Variants in CEP63 observed in about 807,000 individuals in gnomAD.
The protein encoded by CEP63 is centrosomal protein 63, also known as centrosomal protein of 63 kDa.
A neutral mutation model predicts 89.1 loss-of-function variants in CEP63; 84 were observed. The observed-to-expected ratio is 0.94, with a 90% CI of 0.79 to 1.13. The LOEUF is 1.13. Ranked by LOEUF, CEP63 falls within the 50% of genes most tolerant of loss-of-function variation. CEP63 has a pLI of 0.00. For missense variants in CEP63, 838 were observed against 813.3 expected (o/e 1.03, Z -0.37); for synonymous variants, 267 against 272.5 (o/e 0.98, Z 0.20).
rs770310607 is a variant in CEP63, at chr3:134,561,736, A to G, written c.*201A>G. 35 of 1,391,950 alleles carry G rather than the reference A, an allele frequency of 2.5e-5. No homozygotes were observed. The highest frequency in any genetic ancestry group is 3.3e-5 in the Non-Finnish European group (35 of 1,076,056). 86.2% of individuals were successfully genotyped at this position (1,391,950 alleles called of 1,614,324 possible). On this transcript the variant is annotated 3_prime_UTR_variant, in exon 15 of 15. Transcript: ENST00000675561. The stretch of plus-strand genomic sequence containing the variant: ...GTTTGTTTAAAGGACTTCTTCCAGC[A>G]ATAAGTTGAAAGAATAAACCACTTT...
chr3:134,574,594 A>G (rs559172792), intron 11 of CEP63, among the ~76,000 whole-genome samples: 1 of 152,128 alleles, frequency 6.6e-6, no homozygotes, highest in African/African-American at 2.4e-5. Flanking sequence ...TTCAAAATTT[A>G]TCCATAATAT....
In CEP63 at chr3:134,561,669, G is replaced by T; in HGVS notation, c.*134G>T. 3 of 1,477,696 alleles carry T rather than the reference G, an allele frequency of 2.0e-6. No individual in the cohort carries two copies. Among genetic ancestry groups the T allele is most frequent in the Non-Finnish European group, 2.7e-6 (3 of 1,119,364 alleles). The allele number at this position is 1,477,696 out of a possible 1,614,324, so 91.5% of individuals were successfully genotyped here. A position where few individuals can be genotyped will look rare whatever the true frequency, so the allele number is the denominator to read the frequency against. ...TACATCTAAAGCAGTGGTGAAGAAAGCTGAAAAACTGATACTTTTGATAGG... is the reference window on the plus strand; with the variant it reads ...TACATCTAAAGCAGTGGTGAAGAAATCTGAAAAACTGATACTTTTGATAGG... On this transcript the variant is annotated 3_prime_UTR_variant, in exon 15 of 15. Coordinates refer to ENST00000675561, the MANE Select transcript of CEP63 (RefSeq NM_001353108.3).
At chr3:134,607,956 T>C in the CEP63 span, 1 of 998,624 alleles carries the variant, frequency 1.0e-6, no homozygotes, top group Non-Finnish European at 1.2e-6. Context: ...GCCTCTCCTC[T>C]GCTGCCTAGA....
chr3:134,730,569 T>A, the CEP63 span, among the ~76,000 whole-genome samples: 2 of 152,182 alleles, frequency 1.3e-5, no homozygotes, highest in Non-Finnish European at 1.5e-5. Flanking sequence ...AAACATTTAA[T>A]GTTATTTGGA....
the CEP63 span, chr3:134,619,395 C>A: frequency 1.4e-6 from 1 of 698,616 alleles, no homozygotes. Context: ...GAACTACAGC[C>A]CCAGCACAAA....
the CEP63 span, among the ~76,000 whole-genome samples, chr3:134,727,898 T>C: frequency 2.6e-5 from 4 of 152,268 alleles, no homozygotes; most frequent in African/African-American, 9.6e-5. Context: ...TGTTGGAAAT[T>C]TTCTATGCTG....
the CEP63 span, among the ~76,000 whole-genome samples, chr3:134,719,259 T>C: frequency 6.6e-6 from 1 of 152,066 alleles, no homozygotes; most frequent in Non-Finnish European, 1.5e-5. Context: ...TGCCTTGGCC[T>C]CCCAAAGTGC....
chr3:134,550,224 G>T lies in CEP63; in HGVS notation c.1344G>T (p.Glu448Asp). The T allele has an allele frequency of 6.2e-7, 1 of 1,614,180 alleles. No individual in the cohort carries two copies. The highest frequency in any genetic ancestry group is 8.5e-7 in the Non-Finnish European group (1 of 1,180,010). The change falls in exon 11 of 15, where the codon GAG (glutamate) becomes GAT (aspartate). Residue 448 changes from glutamate to aspartate, a missense_variant. Coordinates refer to ENST00000675561, the MANE Select transcript of CEP63 (RefSeq NM_001353108.3). ...SSDMEKRLRA[E>D]MQKAEDKAVE... ...ACATGGAAAAGCGACTCAGAGCAGA[G>T]ATGCAAAAGGCAGAAGACAAAGCAG...
the CEP63 span, chr3:134,608,787 A>G: frequency 6.2e-7 from 1 of 1,613,986 alleles, no homozygotes; most frequent in Non-Finnish European, 8.5e-7. Flanking sequence ...TTGTCTGGGA[A>G]GTGGTCCTCG....
At chr3:134,554,946 G>A (rs1303988511) in intron 12 of CEP63, among the ~76,000 whole-genome samples, 1 of 151,780 alleles carries the variant, frequency 6.6e-6, no homozygotes, top group African/African-American at 2.4e-5. Context: ...TTTTTTTCTT[G>A]TAAATTTGTT....
chr3:134,717,401 TCACACA>T, the CEP63 span, among the ~76,000 whole-genome samples: 4 of 151,972 alleles, frequency 2.6e-5, no homozygotes, highest in Non-Finnish European at 5.9e-5. Context: ...ACACTCACAC[TCACACA>T]CACACACCAC....
At chr3:134,715,372 T>A in the CEP63 span, among the ~76,000 whole-genome samples, 1 of 151,300 alleles carries the variant, frequency 6.6e-6, no homozygotes, top group Admixed American at 6.5e-5. Flanking sequence ...AGCGATGAAT[T>A]GCACAACTTC....
chr3:134,710,910 CG>C, the CEP63 span, among the ~76,000 whole-genome samples: 6 of 151,714 alleles, frequency 4.0e-5, no homozygotes, highest in Non-Finnish European at 7.4e-5. Context: ...TTAGTAGAGA[CG>C]GGGTTTCACC....
At chr3:134,603,278 C>A in the CEP63 span, 3 of 261,352 alleles carry the variant, frequency 1.1e-5, no homozygotes, top group Non-Finnish European at 2.2e-5. Flanking sequence ...ACAGCAGCAG[C>A]ACTAATACGA....
At chr3:134,725,745 A>T in the CEP63 span, among the ~76,000 whole-genome samples, 1 of 152,216 alleles carries the variant, frequency 6.6e-6, no homozygotes, top group Non-Finnish European at 1.5e-5. Context: ...CAGAGTTGTT[A>T]GGGTCTTGTT....
At chr3:134,658,299 G>A in the CEP63 span, among the ~76,000 whole-genome samples, 1,851 of 152,258 alleles carry the variant, frequency 0.012, 32 homozygotes, top group African/African-American at 0.041. Context: ...GTGCATGTGT[G>A]TGTTTAAAAA....
intron 1 of CEP63, among the ~76,000 whole-genome samples, chr3:134,494,602 C>T (rs938037873): frequency 2.0e-5 from 3 of 152,096 alleles, no homozygotes; most frequent in Non-Finnish European, 4.4e-5. Flanking sequence ...AGCTCTGCAG[C>T]TGCAGAGATG....
the CEP63 span, among the ~76,000 whole-genome samples, chr3:134,632,072 C>G: frequency 2.6e-5 from 4 of 152,068 alleles, no homozygotes; most frequent in African/African-American, 2.4e-5. Context: ...GACATAACAA[C>G]CTTCAATAGG....
chr3:134,712,904 C>CT, the CEP63 span, among the ~76,000 whole-genome samples: 1 of 152,158 alleles, frequency 6.6e-6, no homozygotes, highest in Admixed American at 6.5e-5. Context: ...AGAGCTGGGA[C>CT]TTTCAGTGAG....
Sources: allele counts gnomAD v4.1 joint callset (sites outside exome capture counted in the v4.1 genomes callset), GRCh38; gene constraint gnomAD v4.1.1; transcripts MANE v1.5; gene names NCBI Gene and HGNC (gene_info 2026-07-23, HGNC 2026-07-21).